SNRNP25: variants seen among roughly 807,000 people sequenced by gnomAD.
SNRNP25 encodes U11/U12 small nuclear ribonucleoprotein 25 kDa protein.
Under a neutral mutation model 23.9 loss-of-function variants are expected in SNRNP25, and 21 were observed. The ratio of observed to expected loss-of-function variants is 0.88; its 90% CI spans 0.62 to 1.27. SNRNP25 has a LOEUF of 1.27. SNRNP25 is among the 50% of genes most tolerant of loss of function. SNRNP25 has a pLI of 0.00. For missense variants in SNRNP25, 160 were observed against 156.9 expected, an observed-to-expected ratio of 1.02 and a Z score of -0.11; for synonymous variants, 63 against 60.4, an observed-to-expected ratio of 1.04 and a Z score of -0.20.
In SNRNP25 at chr16:57,385, T is replaced by C. The variant is rs1897427609; in HGVS notation, c.*242T>C. Reference sequence around the variant, plus strand: ...GACCTCTCCCTAGGTCCAAATGCCCTAGTCACATGGCAGACCCACGGCCTG... The same window carrying C: ...GACCTCTCCCTAGGTCCAAATGCCCCAGTCACATGGCAGACCCACGGCCTG... On this transcript the variant is annotated 3_prime_UTR_variant, in exon 5 of 5. Coordinates refer to ENST00000293861, the MANE Select transcript of SNRNP25 (RefSeq NM_024571.4). The C allele has an allele frequency of 3.5e-6, 2 of 572,646 alleles. No individual in the cohort carries two copies. The highest frequency in any genetic ancestry group is 4.5e-5 in the South Asian group (2 of 44,886). 35.5% of individuals were successfully genotyped at this position (572,646 alleles called of 1,614,324 possible).
intron 4 of SNRNP25, 106 bp downstream of exon 4, chr16:56,719 C>G: frequency 7.9e-7 from 1 of 1,259,834 alleles, no homozygotes; most frequent in Non-Finnish European, 1.1e-6. Context: ...AGATAACACC[C>G]TCCTCCAAGG....
chr16:54,659 A>G (rs1173045939), intron 1 of SNRNP25, among the ~76,000 whole-genome samples: 2 of 152,188 alleles, frequency 1.3e-5, no homozygotes, highest in African/African-American at 2.4e-5. Flanking sequence ...ATTTGCCTCA[A>G]GCGTCAATCA....
chr16:56,411 A>T, intron 3 of SNRNP25, 128 bp from the exon 4 acceptor site: 1 of 854,956 alleles, frequency 1.2e-6, no homozygotes, highest in Non-Finnish European at 2.0e-6. Context: ...CATTGTACAG[A>T]ACAGCCCAGG....
chr16:56,993 T>G, intron 4 of SNRNP25, 93 bp from the exon 5 acceptor site: 2 of 1,408,404 alleles, frequency 1.4e-6, no homozygotes, highest in Non-Finnish European at 2.0e-6. Context: ...CTCCCCTCTG[T>G]TGTTTCTTCG....
chr16:56,753 TAGG>T (rs1897416525), intron 4 of SNRNP25, 140 bp downstream of exon 4: 3 of 899,494 alleles, frequency 3.3e-6, no homozygotes, highest in East Asian at 2.6e-5. Context: ...CCCTCCCCAC[TAGG>T]AGAATGGCAG....
chr16:55,335 C>A (rs986116825), intron 1 of SNRNP25, 124 bp from the exon 2 acceptor site: 12 of 785,168 alleles, frequency 1.5e-5, no homozygotes, highest in Non-Finnish European at 2.4e-5. Context: ...GTACAGGCAA[C>A]CACCCTTCCT....
intron 3 of SNRNP25, chr16:56,110 A>G: frequency 1.6e-6 from 1 of 616,506 alleles, no homozygotes; most frequent in South Asian, 1.8e-5. Context: ...CTGCTCTTCC[A>G]TCGGCATCAC....
intron 3 of SNRNP25, 121 bp downstream of exon 3, chr16:56,003 G>A (rs1006683720): frequency 8.4e-5 from 73 of 870,646 alleles, no homozygotes; most frequent in Non-Finnish European, 1.3e-5. Context: ...CACCACTGAA[G>A]TGATGAGCTC....
chr16:56,634 G>T, intron 4 of SNRNP25, 21 bp downstream of exon 4: 1 of 1,613,174 alleles, frequency 6.2e-7, no homozygotes, highest in South Asian at 1.1e-5. Flanking sequence ...GCCACGTCCT[G>T]AGCCGTAGGG....
Position 55,767 on chromosome 16 carries a change from G to C in SNRNP25, c.134-10G>C, listed in dbSNP as rs568837791. 6.2e-7 allele frequency: 1 copy of C among 1,613,726 alleles called. No individual in the cohort carries two copies. The highest frequency in any genetic ancestry group is 1.1e-5 in the South Asian group (1 of 90,992). ...CATGGATCTTCTCCCATCTGTGTCC[G>C]TGGTTGCAGCCGTGGTTGTAGTGCA... On this transcript the variant is annotated splice_polypyrimidine_tract_variant and intron_variant, in intron 2 of 4. Coordinates refer to ENST00000293861, the MANE Select transcript of SNRNP25 (RefSeq NM_024571.4).
chr16:53,944 A>G lies in SNRNP25; in HGVS notation c.-73A>G, dbSNP rs1567151392. 3.2e-6 allele frequency: 5 copies of G among 1,583,512 alleles called. No individual in the cohort carries two copies. Among genetic ancestry groups the G allele is most frequent in the Non-Finnish European group, 4.3e-6 (5 of 1,166,108 alleles). ...AGGCCGCGGGTGGGCCCGAGGCGCA[A>G]GAGGAAGATGAGGACGAAGAAGAGG... On this transcript the variant is annotated 5_prime_UTR_variant, in exon 1 of 5. Coordinates refer to ENST00000293861, the MANE Select transcript of SNRNP25 (RefSeq NM_024571.4).
intron 1 of SNRNP25, 125 bp downstream of exon 1, chr16:54,183 C>T: frequency 2.7e-6 from 3 of 1,125,032 alleles, no homozygotes; most frequent in South Asian, 2.7e-5. Flanking sequence ...CGCCTCTGGG[C>T]GTAAACGAGG....
intron 1 of SNRNP25, among the ~76,000 whole-genome samples, chr16:54,458 C>T (rs1301685768): frequency 6.6e-6 from 1 of 151,910 alleles, no homozygotes; most frequent in African/African-American, 2.4e-5. Context: ...CTATGTTGCC[C>T]AGGCTGATCT....
In SNRNP25 at chr16:55,559, AC is replaced by A. The variant is rs1405720615; in HGVS notation, c.133+13del. On this transcript the variant is annotated intron_variant, in intron 2 of 4. Coordinates refer to ENST00000293861, the MANE Select transcript of SNRNP25 (RefSeq NM_024571.4). ...GATGGAGAAGTAATGCGTAAGTGCT[AC>A]CCTCCTCCCTTCAGGTTATGTGGTC... 1.9e-6 allele frequency: 3 copies of A among 1,613,384 alleles called. No homozygotes were observed. The African/African-American group carries it at 4.0e-5, about 22-fold the overall frequency.
Position 53,869 on chromosome 16 carries a change from T to G in SNRNP25, c.-148T>G, listed in dbSNP as rs541947690. The G allele has an allele frequency of 2.6e-4, 380 of 1,463,882 alleles. No homozygotes were observed. The highest frequency in any genetic ancestry group is 3.4e-4 in the Non-Finnish European group (372 of 1,083,438). The allele number at this position is 1,463,882 out of a possible 1,614,324, so 90.7% of individuals were successfully genotyped here. On this transcript the variant is annotated 5_prime_UTR_variant, in exon 1 of 5. Transcript: ENST00000293861. The stretch of plus-strand genomic sequence containing the variant: ...CGCGCTTGGCCTCCCTAGTGCGGGC[T>G]GGCAGTGCGGGCAGAGCCCGGCTGA...
chr16:55,055 A>G (rs945163957), intron 1 of SNRNP25: 7 of 169,582 alleles, frequency 4.1e-5, no homozygotes, highest in African/African-American at 1.4e-4. Context: ...GTATTAAAAT[A>G]TTTATTGTTA....
Position 53,881 on chromosome 16 carries a change from C to T in SNRNP25, c.-136C>T. ...CCCTAGTGCGGGCTGGCAGTGCGGG[C>T]AGAGCCCGGCTGAGAGGGGCGGCCC... On this transcript the variant is annotated 5_prime_UTR_variant, in exon 1 of 5. Coordinates refer to ENST00000293861, the MANE Select transcript of SNRNP25 (RefSeq NM_024571.4). 6.7e-6 allele frequency: 10 copies of T among 1,482,536 alleles called. No homozygotes were observed. Among genetic ancestry groups the T allele is most frequent in the Non-Finnish European group, 1.8e-6 (2 of 1,096,078 alleles). The allele number at this position is 1,482,536 out of a possible 1,614,324, so 91.8% of individuals were successfully genotyped here.
rs1195859739 is a variant in SNRNP25, at chr16:53,970, C to T, written c.-47C>T. On this transcript the variant is annotated 5_prime_UTR_variant, in exon 1 of 5. Coordinates refer to ENST00000293861, the MANE Select transcript of SNRNP25 (RefSeq NM_024571.4). ...GAGGAAGATGAGGACGAAGAAGAGG[C>T]GCTGCCGCACTCCGAGGCCATGGAC... The T allele has an allele frequency of 1.2e-6, 2 of 1,603,486 alleles. No individual in the cohort carries two copies. The highest frequency in any genetic ancestry group is 1.7e-6 in the Non-Finnish European group (2 of 1,176,172).
At chr16:55,355 TA>T in intron 1 of SNRNP25, 103 bp from the exon 2 acceptor site, 2 of 1,006,530 alleles carry the variant, frequency 2.0e-6, no homozygotes, top group Non-Finnish European at 3.1e-6. Context: ...TTGCCCTTCG[TA>T]AAATGGAGCA....
Sources: allele counts gnomAD v4.1 joint callset (sites outside exome capture counted in the v4.1 genomes callset), GRCh38; gene constraint gnomAD v4.1.1; transcripts MANE v1.5; gene names NCBI Gene and HGNC (gene_info 2026-07-23, HGNC 2026-07-21).